NAV3: variants seen among roughly 807,000 people sequenced by gnomAD.
NAV3 encodes neuron navigator 3.
NAV3 carries 87 observed loss-of-function variants against 244.7 expected under a neutral mutation model. The ratio of observed to expected loss-of-function variants is 0.36; its 90% CI spans 0.30 to 0.42. NAV3 has a LOEUF of 0.42. Among genes scored for constraint, NAV3 ranks in the 20% least tolerant of loss-of-function variants. The pLI is 1.00. For missense variants in NAV3, 2,663 were observed against 2,893.3 expected (o/e 0.92, Z 1.83); for synonymous variants, 1,126 against 1,042.2 (o/e 1.08, Z -1.55).
chr12:78,182,092 T>A (rs773621205), intron 30 of NAV3, among the ~76,000 whole-genome samples: 17 of 152,008 alleles, frequency 1.1e-4, no homozygotes, highest in Non-Finnish European at 2.2e-4. Flanking sequence ...AGAATAAGCA[T>A]CAAGTACAAC....
At chr12:77,775,625 G>A (rs777011028) in intron 2 of NAV3, among the ~76,000 whole-genome samples, 11 of 152,004 alleles carry the variant, frequency 7.2e-5, no homozygotes, top group South Asian at 2.1e-4. Flanking sequence ...TGTATACCAC[G>A]TTAGAACTTT....
chr12:77,622,413 C>A (rs1453335501), intron 2 of NAV3, among the ~76,000 whole-genome samples: 1 of 152,028 alleles, frequency 6.6e-6, no homozygotes, highest in Non-Finnish European at 1.5e-5. Context: ...CCCGCCTCAG[C>A]CTTCCAAAGT....
chr12:77,759,306 A>G (rs1869348619), intron 2 of NAV3, among the ~76,000 whole-genome samples: 1 of 152,208 alleles, frequency 6.6e-6, no homozygotes, highest in Non-Finnish European at 1.5e-5. Flanking sequence ...AGCTCTTCAT[A>G]AAAGACAAAA....
chr12:78,087,878 TA>T (rs1201955354), intron 12 of NAV3, among the ~76,000 whole-genome samples: 1 of 151,888 alleles, frequency 6.6e-6, no homozygotes, highest in East Asian at 1.9e-4. Context: ...AATATTCACT[TA>T]TAGATCAACA....
intron 2 of NAV3, among the ~76,000 whole-genome samples, chr12:77,758,441 C>G (rs1869296729): frequency 6.6e-6 from 1 of 152,150 alleles, no homozygotes; most frequent in Non-Finnish European, 1.5e-5. Flanking sequence ...ATCTGTCACT[C>G]AAGAAAATCA....
intron 2 of NAV3, among the ~76,000 whole-genome samples, chr12:77,577,121 A>G (rs183809713): frequency 1.3e-5 from 2 of 152,268 alleles, no homozygotes; most frequent in Admixed American, 6.5e-5. Context: ...AAACATGAAC[A>G]TCAAGTTCCC....
intron 2 of NAV3, among the ~76,000 whole-genome samples, chr12:77,785,781 T>C (rs2135929205): frequency 6.6e-6 from 1 of 152,324 alleles, no homozygotes; most frequent in East Asian, 1.9e-4. Context: ...AGGAATAATG[T>C]GGGCTACCGT....
chr12:77,791,023 C>CA (rs1247773047), intron 2 of NAV3, among the ~76,000 whole-genome samples: 2 of 152,150 alleles, frequency 1.3e-5, no homozygotes, highest in African/African-American at 4.8e-5. Context: ...AGCTTGATCT[C>CA]AAGTTGGTGC....
Position 78,194,079 on chromosome 12 carries a change from C to A in NAV3, c.6292-3168C>A, listed in dbSNP as rs1392172381. Among the ~76,000 whole-genome samples the A allele has an allele frequency of 6.6e-5, 10 of 152,170 alleles. No individual in the cohort carries two copies. In the East Asian group the frequency reaches 1.9e-3, roughly 29 times the overall value. ...CACTTTTATTCTCCTTTGGATGACT[C>A]TTGTGGCTTCAACTTGGCTTGACTT... On this transcript the variant is annotated intron_variant, in intron 34 of 39. Coordinates refer to ENST00000397909, the MANE Select transcript of NAV3 (RefSeq NM_001024383.2).
chr12:78,095,621 A>C (rs1475802214), intron 12 of NAV3, among the ~76,000 whole-genome samples: 3 of 152,204 alleles, frequency 2.0e-5, no homozygotes, highest in Non-Finnish European at 4.4e-5. Context: ...AGAGTACAGC[A>C]ATACTCTACT....
chr12:78,021,340 ATATAT>A (rs1020976739), intron 8 of NAV3, among the ~76,000 whole-genome samples: 3 of 152,082 alleles, frequency 2.0e-5, no homozygotes, highest in African/African-American at 7.2e-5. Flanking sequence ...ATATTTTAAA[ATATAT>A]TTTATAGAAT....
intron 2 of NAV3, among the ~76,000 whole-genome samples, chr12:77,756,141 G>A (rs1185964808): frequency 6.6e-6 from 1 of 152,064 alleles, no homozygotes; most frequent in Non-Finnish European, 1.5e-5. Context: ...AGGACTATAT[G>A]ATATAATATA....
chr12:77,636,632 A>G (rs879005413), intron 2 of NAV3, among the ~76,000 whole-genome samples: 2 of 152,150 alleles, frequency 1.3e-5, no homozygotes, highest in Non-Finnish European at 2.9e-5. Flanking sequence ...TTGACCCAGC[A>G]ATCCCATTAC....
At chr12:78,092,452 A>G (rs930572520) in intron 12 of NAV3, among the ~76,000 whole-genome samples, 5 of 151,784 alleles carry the variant, frequency 3.3e-5, no homozygotes, top group South Asian at 2.1e-4. Context: ...TAATACCAGA[A>G]AGAAACTCAT....
intron 5 of NAV3, among the ~76,000 whole-genome samples, chr12:77,986,087 C>T (rs919456247): frequency 4.6e-5 from 7 of 152,124 alleles, no homozygotes; most frequent in East Asian, 1.9e-4. Context: ...TAGGGCTGGG[C>T]GCGGTGGCTC....
At chr12:77,961,467 T>A (rs1361288043) in intron 3 of NAV3, among the ~76,000 whole-genome samples, 1 of 135,538 alleles carries the variant, frequency 7.4e-6, no homozygotes, top group Non-Finnish European at 1.6e-5. Flanking sequence ...TATATATACA[T>A]ATGTATCTAT....
chr12:78,177,571 T>C, intron 27 of NAV3, 49 bp from the exon 28 acceptor site: 1 of 1,523,386 alleles, frequency 6.6e-7, no homozygotes, highest in African/African-American at 1.4e-5. Context: ...TTCTCACTTC[T>C]TTTCATGGGC....
intron 33 of NAV3, 137 bp downstream of exon 33, chr12:78,188,914 C>T (rs922022050): frequency 8.9e-6 from 6 of 677,086 alleles, no homozygotes; most frequent in Non-Finnish European, 1.4e-5. Context: ...ATCAATATGA[C>T]TCATTTCATA....
At chr12:78,050,267 A>G (rs1351313831) in intron 10 of NAV3, among the ~76,000 whole-genome samples, 166 bp downstream of exon 10, 1 of 152,216 alleles carries the variant, frequency 6.6e-6, no homozygotes, top group Non-Finnish European at 1.5e-5. Context: ...CTGAGAATTC[A>G]CAGTATATAC....
Sources: allele counts gnomAD v4.1 joint callset (sites outside exome capture counted in the v4.1 genomes callset), GRCh38; gene constraint gnomAD v4.1.1; transcripts MANE v1.5; gene names NCBI Gene and HGNC (gene_info 2026-07-23, HGNC 2026-07-21).